Variants in NLRP14 observed in about 807,000 individuals in gnomAD.
NLRP14 encodes the protein NLR family pyrin domain containing 14.
Under a neutral mutation model 94.7 loss-of-function variants are expected in NLRP14, and 105 were observed. The ratio of observed to expected loss-of-function variants is 1.11; its 90% CI spans 0.95 to 1.30. The LOEUF is 1.30. Among genes scored for constraint, NLRP14 ranks in the 50% most tolerant of loss-of-function variants. The pLI, the probability that NLRP14 is intolerant of heterozygous loss-of-function variation, is 0.00. For missense variants in NLRP14, 1,362 were observed against 1,254.1 expected (o/e 1.09, Z -1.30); for synonymous variants, 508 against 459.9 (o/e 1.10, Z -1.34).
At chr11:7,024,363 T>C (rs1306489552) in intron 1 of NLRP14, among the ~76,000 whole-genome samples, 1 of 152,242 alleles carries the variant, frequency 6.6e-6, no homozygotes, top group African/African-American at 2.4e-5. Flanking sequence ...ATATTGCTTA[T>C]AGAAAATTTA....
chr11:7,030,993 A>G (rs1852085046), intron 1 of NLRP14, among the ~76,000 whole-genome samples: 1 of 152,184 alleles, frequency 6.6e-6, no homozygotes, highest in Non-Finnish European at 1.5e-5. Context: ...CCTCCAGCCA[A>G]TGGGAAGAGA....
At position 7,045,299 on chromosome 11, in the gene NLRP14, G is replaced by T. The variant is rs368327063; in HGVS notation, c.1958+1315G>T. Among the ~76,000 whole-genome samples the T allele has an allele frequency of 1.2e-4, 19 of 152,192 alleles. No individual in the cohort carries two copies. In the South Asian group the frequency reaches 2.5e-3, roughly 20 times the overall value. The stretch of plus-strand genomic sequence containing the variant: ...ATGTGATTTAACAGGGCATTAAAAC[G>T]TCTTTTATGCCTAATAGTAAATGCT... On this transcript the variant is annotated intron_variant, in intron 4 of 11. Transcript: ENST00000299481.
chr11:7,026,970 TAAAAA>T (rs891942778), intron 1 of NLRP14, among the ~76,000 whole-genome samples: 32 of 151,626 alleles, frequency 2.1e-4, no homozygotes, highest in Non-Finnish European at 4.0e-4. Context: ...ATAATAATAA[TAAAAA>T]AGAAAAGAAG....
chr11:7,084,104 A>G, the NLRP14 span, among the ~76,000 whole-genome samples: 1 of 152,182 alleles, frequency 6.6e-6, no homozygotes, highest in Non-Finnish European at 1.5e-5. Flanking sequence ...GATGCTGTCC[A>G]TTCACTTTGA....
chr11:7,031,062 C>T (rs1042075600), intron 1 of NLRP14, among the ~76,000 whole-genome samples: 1 of 152,186 alleles, frequency 6.6e-6, no homozygotes, highest in African/African-American at 2.4e-5. Context: ...GCCCTCTTAG[C>T]GGGTTTGCTC....
Position 7,071,421 on chromosome 11 carries a change from C to T in NLRP14, c.*113C>T. The T allele has an allele frequency of 1.2e-6, 1 of 829,812 alleles. No individual in the cohort carries two copies. Among genetic ancestry groups the T allele is most frequent in the South Asian group, 1.5e-5 (1 of 66,640 alleles). The allele number at this position is 829,812 out of a possible 1,614,324, so 51.4% of individuals were successfully genotyped here. A position where few individuals can be genotyped will look rare whatever the true frequency, so the allele number is the denominator to read the frequency against. On this transcript the variant is annotated 3_prime_UTR_variant, in exon 12 of 12. Coordinates refer to ENST00000299481, the MANE Select transcript of NLRP14 (RefSeq NM_176822.4). ...ATACTCTATGCCCAGAGATAGTGCA[C>T]TTGGCAGCTGTCAGATACCATTCAT...
At chr11:7,022,317 G>T (rs1180164130) in intron 1 of NLRP14, among the ~76,000 whole-genome samples, 5 of 152,200 alleles carry the variant, frequency 3.3e-5, no homozygotes, top group African/African-American at 1.2e-4. Flanking sequence ...TGTACCCAGG[G>T]TAGGAGTGAA....
chr11:7,056,792 A>T (rs1047954534), intron 6 of NLRP14, among the ~76,000 whole-genome samples: 2 of 152,042 alleles, frequency 1.3e-5, no homozygotes, highest in African/African-American at 4.8e-5. Flanking sequence ...AGTAATTTTT[A>T]ACTTAAGGTG....
intron 6 of NLRP14, among the ~76,000 whole-genome samples, chr11:7,051,459 G>A (rs1268948477): frequency 1.3e-5 from 2 of 152,150 alleles, no homozygotes; most frequent in Non-Finnish European, 2.9e-5. Context: ...GGGCAGTGTC[G>A]ATACATCAGT....
intron 9 of NLRP14, among the ~76,000 whole-genome samples, chr11:7,060,986 C>T (rs1171197801): frequency 6.6e-6 from 1 of 152,064 alleles, no homozygotes; most frequent in Non-Finnish European, 1.5e-5. Context: ...AGAGGCGTCA[C>T]TTAGCAACCT....
the NLRP14 span, among the ~76,000 whole-genome samples, chr11:7,082,638 C>A: frequency 6.6e-6 from 1 of 152,126 alleles, no homozygotes; most frequent in Non-Finnish European, 1.5e-5. Context: ...CATTACAGAA[C>A]CCATTTATTT....
At position 7,042,432 on chromosome 11, in the gene NLRP14, A is replaced by G. The variant is rs749201095; in HGVS notation, c.406A>G (p.Ile136Val). 1.2e-6 allele frequency: 2 copies of G among 1,614,040 alleles called. No homozygotes were observed. The highest frequency in any genetic ancestry group is 2.2e-5 in the South Asian group (2 of 91,074). ...AAATAGAATAAAGGAAAAATTTTGC[A>G]TCACTTGGGACAAGAAGTCTTTGGC... ...YRNRIKEKFC[I>V]TWDKKSLAGK... Residue 136 changes from isoleucine (I) to valine (V), a missense_variant, in exon 4 of 12, where the codon ATC becomes GTC. Coordinates refer to ENST00000299481, the MANE Select transcript of NLRP14 (RefSeq NM_176822.4).
At chr11:7,023,991 G>C (rs1851981046) in intron 1 of NLRP14, among the ~76,000 whole-genome samples, 1 of 151,912 alleles carries the variant, frequency 6.6e-6, no homozygotes, top group African/African-American at 2.4e-5. Flanking sequence ...ATTTCAACAG[G>C]AGATTTCAGT....
Position 7,062,417 on chromosome 11 carries a change from C to A in NLRP14, c.2889C>A (p.Asp963Glu), listed in dbSNP as rs763844184. Reference sequence around the variant, plus strand: ...ATAACCCAAACCTGAGGAGCCTGGACCTTGGGAACAACGATTTGCAGGATG... The same window carrying A: ...ATAACCCAAACCTGAGGAGCCTGGAACTTGGGAACAACGATTTGCAGGATG... The part of the protein sequence containing the change: ...ILNNPNLRSL[D>E]LGNNDLQDDG... The change falls in exon 10 of 12, where the codon GAC (aspartate) becomes GAA (glutamate). Residue 963 changes from aspartate to glutamate, a missense_variant. Coordinates refer to ENST00000299481, the MANE Select transcript of NLRP14 (RefSeq NM_176822.4). The A allele has an allele frequency of 1.9e-6, 3 of 1,613,120 alleles. No homozygotes were observed. The highest frequency in any genetic ancestry group is 2.5e-6 in the Non-Finnish European group (3 of 1,179,350).
chr11:7,090,315 G>T, the NLRP14 span: 2 of 1,576,316 alleles, frequency 1.3e-6, no homozygotes, highest in Non-Finnish European at 1.7e-6. Context: ...AACAGACTTG[G>T]GACCAAAAAT....
the NLRP14 span, among the ~76,000 whole-genome samples, chr11:7,086,487 T>C: frequency 7.2e-3 from 1,094 of 152,316 alleles, 15 homozygotes; most frequent in African/African-American, 0.025. Flanking sequence ...GCTTCAACAA[T>C]CTTGTTCATT....
chr11:7,044,682 A>G (rs545961551), intron 4 of NLRP14, among the ~76,000 whole-genome samples: 6 of 152,324 alleles, frequency 3.9e-5, no homozygotes, highest in Non-Finnish European at 7.4e-5. Context: ...AAATCTGAGG[A>G]AAGATTTGAA....
chr11:7,023,509 T>C (rs1354006284), intron 1 of NLRP14, among the ~76,000 whole-genome samples: 1 of 131,002 alleles, frequency 7.6e-6, no homozygotes, highest in Non-Finnish European at 1.6e-5. Flanking sequence ...TAAAAATTTA[T>C]GTATTAATAT....
chr11:7,076,242 T>C (rs1405610959), downstream of NLRP14, among the ~76,000 whole-genome samples: 1 of 152,204 alleles, frequency 6.6e-6, no homozygotes, highest in African/African-American at 2.4e-5. Context: ...ACTCCCCTCA[T>C]GCTAAACTCA....
Sources: allele counts gnomAD v4.1 joint callset (sites outside exome capture counted in the v4.1 genomes callset), GRCh38; gene constraint gnomAD v4.1.1; transcripts MANE v1.5; gene names NCBI Gene and HGNC (gene_info 2026-07-23, HGNC 2026-07-21).